The following SRGAP3 variants were observed in gnomAD, a reference collection of about 807,000 sequenced individuals.
SRGAP3 encodes SLIT-ROBO Rho GTPase activating protein 3.
A neutral mutation model predicts 121.1 loss-of-function variants in SRGAP3; 39 were observed. The ratio of observed to expected loss-of-function variants is 0.32; its 90% confidence interval spans 0.25 to 0.42. The LOEUF is 0.42. Ranked by LOEUF, SRGAP3 falls within the 10% of genes least tolerant of loss-of-function variation. The pLI is 1.00. For synonymous variants in SRGAP3, 601 were observed against 570.0 expected, an observed-to-expected ratio of 1.05 and a Z score of -0.77; for missense variants, 1,213 against 1,470.6, an observed-to-expected ratio of 0.82 and a Z score of 2.86.
At chr3:9,181,859 A>C (rs558907098) in intron 1 of SRGAP3, among the ~76,000 whole-genome samples, 40 of 152,258 alleles carry the variant, frequency 2.6e-4, no homozygotes, top group African/African-American at 9.4e-4. Flanking sequence ...AATAACTCGA[A>C]ATGTGACCTT....
intron 3 of SRGAP3, among the ~76,000 whole-genome samples, chr3:9,082,042 C>G (rs761020683): frequency 6.6e-6 from 1 of 152,180 alleles, no homozygotes; most frequent in South Asian, 2.1e-4. Context: ...GCATTGGAGG[C>G]AGAGCCTGGC....
intron 9 of SRGAP3, chr3:9,049,407 A>G (rs1244023517): frequency 4.4e-6 from 2 of 456,078 alleles, no homozygotes; most frequent in South Asian, 3.1e-5. Context: ...GTTTTCACAC[A>G]CGTACGTTTA....
At chr3:9,081,668 T>C (rs1168794078) in intron 3 of SRGAP3, among the ~76,000 whole-genome samples, 2 of 152,212 alleles carry the variant, frequency 1.3e-5, no homozygotes, top group Non-Finnish European at 2.9e-5. Context: ...GTATAGTCTG[T>C]AGTTTCATTG....
chr3:9,076,901 T>A (rs1946997814), intron 4 of SRGAP3, among the ~76,000 whole-genome samples: 1 of 152,212 alleles, frequency 6.6e-6, no homozygotes, highest in African/African-American at 2.4e-5. Context: ...TGAGCCCACA[T>A]GTCCAGCACA....
intron 1 of SRGAP3, among the ~76,000 whole-genome samples, chr3:9,246,177 A>G (rs1006053786): frequency 2.6e-5 from 4 of 152,212 alleles, no homozygotes; most frequent in Non-Finnish European, 5.9e-5. Context: ...AAAGACATAA[A>G]AGGGAACAAG....
chr3:9,039,487 G>A (rs949516844), intron 10 of SRGAP3, among the ~76,000 whole-genome samples: 2 of 152,060 alleles, frequency 1.3e-5, no homozygotes, highest in African/African-American at 4.8e-5. Flanking sequence ...GCATAACTGA[G>A]GTATAATTTA....
At chr3:9,359,958 C>T (rs540676001) in intron 1 of SRGAP3, among the ~76,000 whole-genome samples, 5 of 152,298 alleles carry the variant, frequency 3.3e-5, no homozygotes, top group South Asian at 4.1e-4. Flanking sequence ...GAGATGGGAA[C>T]GCTCTCTGTT....
At chr3:9,047,931 T>C (rs1418926406) in intron 9 of SRGAP3, among the ~76,000 whole-genome samples, 11 of 151,772 alleles carry the variant, frequency 7.2e-5, no homozygotes, top group Non-Finnish European at 1.3e-4. Context: ...TCGGAACGAG[T>C]CTTCCTTTCA....
chr3:9,273,512 T>G (rs1295564825), intron 3 of SRGAP3, among the ~76,000 whole-genome samples: 1 of 148,940 alleles, frequency 6.7e-6, no homozygotes. Context: ...CTCTCAGACA[T>G]AAGATTTGCA....
At chr3:9,327,171 A>C (rs1955534498) in intron 2 of SRGAP3, among the ~76,000 whole-genome samples, 1 of 151,848 alleles carries the variant, frequency 6.6e-6, no homozygotes, top group African/African-American at 2.4e-5. Flanking sequence ...GTAAGGTAAG[A>C]TTTTTATAAA....
intron 1 of SRGAP3, among the ~76,000 whole-genome samples, chr3:9,210,970 C>CA (rs1232157185): frequency 6.6e-6 from 1 of 152,000 alleles, no homozygotes; most frequent in Non-Finnish European, 1.5e-5. Flanking sequence ...GTACTAAAAA[C>CA]AAAAAAATCC....
Position 9,080,095 on chromosome 3 carries a change from G to A in SRGAP3, c.424-8C>T. ...CAGGCCAATCTCCTTGCTCTGGAAT[G>A]TGGAAGAACAAATGTCAGCGGGGGA... On this transcript the variant is annotated splice_region_variant and splice_polypyrimidine_tract_variant and intron_variant, in intron 3 of 21. Coordinates refer to ENST00000383836, the MANE Select transcript of SRGAP3 (RefSeq NM_014850.4). The A allele has an allele frequency of 6.2e-7, 1 of 1,614,186 alleles. No homozygotes were observed. The highest frequency in any genetic ancestry group is 8.5e-7 in the Non-Finnish European group (1 of 1,180,008).
At chr3:9,242,515 G>A (rs1324033348) in intron 1 of SRGAP3, among the ~76,000 whole-genome samples, 1 of 152,108 alleles carries the variant, frequency 6.6e-6, no homozygotes, top group Non-Finnish European at 1.5e-5. Context: ...AGTGCCTGTA[G>A]TCCCAGCTAC....
chr3:9,127,924 A>C (rs1442604925), intron 1 of SRGAP3, among the ~76,000 whole-genome samples: 1 of 149,878 alleles, frequency 6.7e-6, no homozygotes, highest in African/African-American at 2.4e-5. Flanking sequence ...AGAAAAGAAA[A>C]GAACAGGTGA....
intron 18 of SRGAP3, chr3:9,007,425 T>C (rs944162398): frequency 1.3e-5 from 2 of 152,214 alleles, no homozygotes; most frequent in African/African-American, 4.8e-5. Flanking sequence ...ATTCCATTCA[T>C]ACCGGGTGCT....
intron 1 of SRGAP3, among the ~76,000 whole-genome samples, chr3:9,152,598 T>C (rs2675185): frequency 0.72 from 109,935 of 152,078 alleles, 39,821 homozygotes; most frequent in Non-Finnish European, 0.75. Flanking sequence ...GAGACAAACC[T>C]GGCATAGCCC....
At chr3:9,195,506 T>G (rs1951888503) in intron 1 of SRGAP3, among the ~76,000 whole-genome samples, 1 of 152,124 alleles carries the variant, frequency 6.6e-6, no homozygotes, top group African/African-American at 2.4e-5. Flanking sequence ...AGAGCTCCCA[T>G]GGATCAGGCC....
intron 1 of SRGAP3, among the ~76,000 whole-genome samples, chr3:9,173,199 A>T (rs1951051682): frequency 6.6e-6 from 1 of 152,212 alleles, no homozygotes; most frequent in African/African-American, 2.4e-5. Flanking sequence ...AAGCTTCAGC[A>T]GGCCGAATGG....
chr3:9,212,659 G>A (rs1294123198), intron 1 of SRGAP3, among the ~76,000 whole-genome samples: 1 of 152,182 alleles, frequency 6.6e-6, no homozygotes, highest in Non-Finnish European at 1.5e-5. Flanking sequence ...AGGTTGCAGT[G>A]AGCCAAGATC....
Sources: gnomAD v4.1 joint callset for allele counts (sites outside exome capture counted in the v4.1 genomes callset) on GRCh38, gnomAD v4.1.1 for gene constraint, MANE v1.5 for transcripts, NCBI Gene and HGNC (gene_info 2026-07-23, HGNC 2026-07-21) for gene names.